NDE1: variants seen among roughly 807,000 people sequenced by gnomAD.
NDE1 encodes the protein nuclear distribution protein nudE homolog 1.
NDE1 carries 28 observed loss-of-function variants against 43.4 expected under a neutral mutation model. The ratio of observed to expected loss-of-function variants is 0.65; its 90% confidence interval spans 0.48 to 0.89. The LOEUF (loss-of-function observed/expected upper bound fraction) is 0.89. NDE1 is among the 40% of genes least tolerant of loss of function. NDE1 has a pLI of 0.00. For missense variants in NDE1, 441 were observed against 434.1 expected (o/e 1.02, Z -0.14); for synonymous variants, 184 against 172.0 (o/e 1.07, Z -0.55).
At chr16:15,690,353 CTTTTTTTTTTTTTTTT>C (rs869069843) in intron 5 of NDE1, among the ~76,000 whole-genome samples, 7 of 80,950 alleles carry the variant, frequency 8.6e-5, no homozygotes, top group Admixed American at 5.8e-4. Flanking sequence ...TTTTTTTTTT[CTTTTTTTTTTTTTTTT>C]TTTTTTTTTT....
chr16:15,697,548 A>G (rs1051643471), intron 8 of NDE1, among the ~76,000 whole-genome samples: 12 of 150,722 alleles, frequency 8.0e-5, no homozygotes, highest in African/African-American at 2.7e-4. Context: ...CATCTCCACC[A>G]AAAAAAATAG....
At chr16:15,648,410 A>C (rs897502092), upstream of NDE1, among the ~76,000 whole-genome samples, 5 of 152,192 alleles carry the variant, frequency 3.3e-5, no homozygotes, top group African/African-American at 7.2e-5. Context: ...AGAAAAAAAG[A>C]AATTCCAGCC....
chr16:15,697,105 A>G (rs75139405), intron 8 of NDE1: 13,524 of 971,950 alleles, frequency 0.014, 116 homozygotes, highest in East Asian at 0.033. Context: ...CTAGAATACG[A>G]TGGCAGGATC....
At chr16:15,699,480 A>G (rs1031013754) in intron 8 of NDE1, 2 of 1,082,322 alleles carry the variant, frequency 1.8e-6, no homozygotes, top group South Asian at 1.9e-5. Flanking sequence ...CGTAGGCTGT[A>G]AAACAAACAA....
chr16:15,717,303 G>A, intron 8 of NDE1: 1 of 1,612,396 alleles, frequency 6.2e-7, no homozygotes, highest in Non-Finnish European at 8.5e-7. Context: ...TCATTCTTCT[G>A]GGCCGTGCTG....
chr16:15,720,247 C>G (rs1478359767), intron 8 of NDE1: 1 of 1,614,024 alleles, frequency 6.2e-7, no homozygotes, highest in Non-Finnish European at 8.5e-7. Context: ...CCAGCTTCTT[C>G]TTTGCTGCAG....
chr16:15,690,716 G>C (rs960419943), intron 5 of NDE1, among the ~76,000 whole-genome samples: 1 of 152,004 alleles, frequency 6.6e-6, no homozygotes, highest in Admixed American at 6.6e-5. Flanking sequence ...TTTCTACCTG[G>C]AGTGTTTCAC....
In NDE1 at chr16:15,691,158, C is replaced by T. The variant is rs750715230; in HGVS notation, c.538C>T (p.Leu180=). The change falls in exon 6 of 9, where the codon CTG becomes TTG. Residue 180 remains leucine, a synonymous_variant. Coordinates refer to ENST00000396354, the MANE Select transcript of NDE1 (RefSeq NM_017668.3). ...KDEARDLRQE[L]AVQQKQEKPR... ...TTCTGGCACAGATTTGCGGCAGGAA[C>T]TGGCCGTGCAGCAGAAGCAGGAGAA... The T allele has an allele frequency of 6.2e-7, 1 of 1,614,040 alleles. No individual in the cohort carries two copies. Among genetic ancestry groups the T allele is most frequent in the East Asian group, 2.2e-5 (1 of 44,886 alleles).
At chr16:15,710,394 A>C (rs942401277) in intron 8 of NDE1, among the ~76,000 whole-genome samples, 2 of 152,050 alleles carry the variant, frequency 1.3e-5, no homozygotes, top group African/African-American at 4.8e-5. Flanking sequence ...GGTGGCACGC[A>C]CCTGTAATCT....
chr16:15,715,821 T>A (rs2040098635), intron 8 of NDE1, among the ~76,000 whole-genome samples: 1 of 151,968 alleles, frequency 6.6e-6, no homozygotes, highest in Non-Finnish European at 1.5e-5. Context: ...CTTTTAAAAG[T>A]TTTTCATAGA....
chr16:15,660,953 C>T (rs936991571), intron 1 of NDE1, among the ~76,000 whole-genome samples: 7 of 152,052 alleles, frequency 4.6e-5, no homozygotes, highest in Non-Finnish European at 8.8e-5. Flanking sequence ...AGTCCCTAGG[C>T]GATTCTTCCA....
chr16:15,693,299 C>T (rs2038844566), intron 6 of NDE1, among the ~76,000 whole-genome samples: 1 of 152,172 alleles, frequency 6.6e-6, no homozygotes, highest in South Asian at 2.1e-4. Context: ...GCTACTGTGC[C>T]TGGCCGAGAG....
chr16:15,724,376 C>G lies in NDE1; in HGVS notation c.*125C>G, dbSNP rs775802674. ...TCTTCCAGAGCTTCCACGGTGCTGG[C>G]AAAGTCCTGCAGCTTCTTCTTCGAG... On this transcript the variant is annotated 3_prime_UTR_variant, in exon 9 of 9. Coordinates refer to ENST00000396354, the MANE Select transcript of NDE1 (RefSeq NM_017668.3). 8.7e-6 allele frequency: 14 copies of G among 1,613,992 alleles called. No individual in the cohort carries two copies. In the African/African-American group the frequency reaches 1.7e-4, roughly 20 times the overall value.
chr16:15,721,334 C>T, intron 8 of NDE1: 1 of 1,439,058 alleles, frequency 6.9e-7, no homozygotes, highest in Non-Finnish European at 9.7e-7. Flanking sequence ...ATGAAAAAGG[C>T]CAGGAGCTAG....
At position 15,724,257 on chromosome 16, in the gene NDE1, G is replaced by T. The variant is rs990642038; in HGVS notation, c.*6G>T. On this transcript the variant is annotated 3_prime_UTR_variant, in exon 9 of 9. Coordinates refer to ENST00000396354, the MANE Select transcript of NDE1 (RefSeq NM_017668.3). ...GGTCGTCCAGCTCCTGCTGAAGCCTGTTCTTGGTCTTTTCCAGTTTATCAT... is the reference window on the plus strand; with the variant it reads ...GGTCGTCCAGCTCCTGCTGAAGCCTTTTCTTGGTCTTTTCCAGTTTATCAT... 6 of 1,614,218 alleles carry T rather than the reference G, an allele frequency of 3.7e-6. 1 individual carries two copies. The highest frequency in any genetic ancestry group is 1.7e-5 in the Admixed American group (1 of 60,024).
intron 3 of NDE1, among the ~76,000 whole-genome samples, chr16:15,670,226 T>A (rs1371556103): frequency 6.6e-6 from 1 of 152,148 alleles, no homozygotes; most frequent in African/African-American, 2.4e-5. Context: ...GTCAAAACTG[T>A]GTGTGCCCAG....
chr16:15,659,692 C>T lies in NDE1; in HGVS notation c.-43-5044C>T, dbSNP rs542173652. 3.3e-5 allele frequency among the ~76,000 whole-genome samples: 5 copies of T among 151,100 alleles called. No homozygotes were observed. The South Asian group carries it at 1.1e-3, about 32-fold the overall frequency. ...GCTCAGGTGATTCACCTGCCCTGGC[C>T]TCCCAAAGTACTGGGATTACAGGTG... On this transcript the variant is annotated intron_variant, in intron 1 of 8. Transcript: ENST00000396354.
upstream of NDE1, chr16:15,650,241 C>T (rs372045098): frequency 2.9e-3 from 821 of 285,404 alleles, 3 homozygotes; most frequent in African/African-American, 0.014. Flanking sequence ...CCGCACCGCC[C>T]TTCGCAGCCG....
chr16:15,708,395 A>G (rs2039583416), intron 8 of NDE1, among the ~76,000 whole-genome samples: 1 of 152,216 alleles, frequency 6.6e-6, no homozygotes, highest in South Asian at 2.1e-4. Context: ...TGGAACTGTC[A>G]TATTCATTCA....
Sources: allele counts gnomAD v4.1 joint callset (sites outside exome capture counted in the v4.1 genomes callset), GRCh38; gene constraint gnomAD v4.1.1; transcripts MANE v1.5; gene names NCBI Gene and HGNC (gene_info 2026-07-23, HGNC 2026-07-21).